The following NKIRAS1 variants were observed in gnomAD, a reference collection of about 807,000 sequenced individuals.
The protein encoded by NKIRAS1 is NFKB inhibitor interacting Ras like 1, also known as NF-kappa-B inhibitor-interacting Ras-like protein 1.
Under a neutral mutation model 19.8 loss-of-function variants are expected in NKIRAS1, and 16 were observed. That is an observed-to-expected ratio of 0.81 (90% CI 0.55 to 1.23). The LOEUF (loss-of-function observed/expected upper bound fraction) is 1.23. NKIRAS1 is among the 50% of genes most tolerant of loss of function. The pLI is 0.00. For missense variants in NKIRAS1, 184 were observed against 220.0 expected, an observed-to-expected ratio of 0.84 and a Z score of 1.04; for synonymous variants, 88 against 79.0, an observed-to-expected ratio of 1.11 and a Z score of -0.61.
intron 1 of NKIRAS1, among the ~76,000 whole-genome samples, chr3:23,943,207 GA>G (rs931920859): frequency 1.3e-5 from 2 of 152,194 alleles, no homozygotes; most frequent in African/African-American, 2.4e-5. Context: ...AGTAACCACT[GA>G]TCTTTCTACT....
In NKIRAS1 at chr3:23,900,849, G is replaced by T; in HGVS notation, c.295C>A (p.Leu99Ile). Residue 99 changes from leucine to isoleucine, a missense_variant, in exon 4 of 5, where the codon CTT becomes ATT. Coordinates refer to ENST00000425478, the MANE Select transcript of NKIRAS1 (RefSeq NM_020345.4). The stretch of plus-strand genomic sequence containing the variant: ...AACTTATCGATTTCTTTCTTCAGAA[G>T]CTCCACTCTTTGAAAGGATTCAAGG... ...NNLESFQRVELLKKEIDKFKD... is the reference protein window; with the variant it reads ...NNLESFQRVEILKKEIDKFKD... The T allele has an allele frequency of 2.5e-6, 4 of 1,613,744 alleles. No individual in the cohort carries two copies. The highest frequency in any genetic ancestry group is 3.4e-6 in the Non-Finnish European group (4 of 1,179,734).
chr3:23,896,594 T>C (rs192054952), intron 4 of NKIRAS1, among the ~76,000 whole-genome samples: 5 of 150,824 alleles, frequency 3.3e-5, no homozygotes, highest in African/African-American at 9.8e-5. Context: ...GCGTGGGCAA[T>C]AGCAAGACTC....
chr3:23,935,916 C>A (rs1480962626), intron 1 of NKIRAS1, among the ~76,000 whole-genome samples: 1 of 151,768 alleles, frequency 6.6e-6, no homozygotes, highest in East Asian at 1.9e-4. Flanking sequence ...CTCGTCTCTA[C>A]AAATAATTTT....
At chr3:23,930,353 G>A (rs571251990) in intron 1 of NKIRAS1, among the ~76,000 whole-genome samples, 10 of 152,080 alleles carry the variant, frequency 6.6e-5, no homozygotes, top group African/African-American at 1.2e-4. Context: ...CCTGCAATTC[G>A]TTCTCCCAAA....
At chr3:23,901,099 G>T in intron 3 of NKIRAS1, 50 bp from the exon 4 acceptor site, 1 of 1,587,592 alleles carries the variant, frequency 6.3e-7, no homozygotes, top group Non-Finnish European at 8.6e-7. Context: ...AGTGTCAACT[G>T]CTCCGTATTT....
chr3:23,944,226 A>C (rs1343751049), intron 1 of NKIRAS1, among the ~76,000 whole-genome samples: 1 of 152,238 alleles, frequency 6.6e-6, no homozygotes, highest in Non-Finnish European at 1.5e-5. Context: ...ATTTACCAAA[A>C]CAGTAAATAT....
chr3:23,893,197 TTCAA>T lies in NKIRAS1; in HGVS notation c.473_476del (p.Ile158AsnfsTer6). 1 of 1,614,002 alleles carries T rather than the reference TTCAA, an allele frequency of 6.2e-7. No homozygotes were observed. The highest frequency in any genetic ancestry group is 1.6e-4 in the Middle Eastern group (1 of 6,062). On this transcript the variant is annotated frameshift_variant, in exon 5 of 5. Transcript: ENST00000425478. LOFTEE classifies it high-confidence loss of function. Reference sequence around the variant, plus strand: ...GTTTACTGGCTAATAAAGTGAATGGTTCAATCAGAGTTTTCCGATCTGTAACAGT... The same window carrying T: ...GTTTACTGGCTAATAAAGTGAATGGTTCAGAGTTTTCCGATCTGTAACAGT...
At chr3:23,912,936 G>A (rs1435898665) in intron 1 of NKIRAS1, among the ~76,000 whole-genome samples, 1 of 150,574 alleles carries the variant, frequency 6.6e-6, no homozygotes, top group Non-Finnish European at 1.5e-5. Flanking sequence ...GGCTAACATG[G>A]TGAAACCGTC....
chr3:23,919,297 A>G (rs1575121314), upstream of NKIRAS1: 2 of 1,607,494 alleles, frequency 1.2e-6, no homozygotes, highest in Non-Finnish European at 8.5e-7. Flanking sequence ...TCATTGATCC[A>G]TTCCATAAAG....
At chr3:23,932,500 C>T (rs1334736289) in intron 1 of NKIRAS1, among the ~76,000 whole-genome samples, 1 of 151,922 alleles carries the variant, frequency 6.6e-6, no homozygotes, top group African/African-American at 2.4e-5. Context: ...ACCAGCCTGA[C>T]CAACATGGAG....
At chr3:23,904,558 C>T (rs1011303392) in intron 3 of NKIRAS1, among the ~76,000 whole-genome samples, 1 of 152,174 alleles carries the variant, frequency 6.6e-6, no homozygotes, top group Non-Finnish European at 1.5e-5. Context: ...TTATAGGCCA[C>T]AGTGCTTAAT....
intron 4 of NKIRAS1, among the ~76,000 whole-genome samples, chr3:23,893,651 A>T (rs1459354479): frequency 6.6e-6 from 1 of 151,948 alleles, no homozygotes; most frequent in African/African-American, 2.4e-5. Context: ...TACTGAAAAT[A>T]AAAAAATTAG....
chr3:23,938,929 T>C (rs1705444210), intron 1 of NKIRAS1, among the ~76,000 whole-genome samples: 1 of 152,178 alleles, frequency 6.6e-6, no homozygotes, highest in South Asian at 2.1e-4. Flanking sequence ...GCCCTGTGAC[T>C]ACCTAAAGAG....
intron 1 of NKIRAS1, among the ~76,000 whole-genome samples, chr3:23,941,307 A>G (rs1358546264): frequency 6.6e-6 from 1 of 152,138 alleles, no homozygotes; most frequent in Non-Finnish European, 1.5e-5. Context: ...AGTTTGGGAT[A>G]AGAGGACTCT....
chr3:23,912,198 C>G (rs1366537243), intron 1 of NKIRAS1, among the ~76,000 whole-genome samples: 1 of 152,124 alleles, frequency 6.6e-6, no homozygotes, highest in Non-Finnish European at 1.5e-5. Context: ...CGAATGGGAT[C>G]TAATTAAACT....
In NKIRAS1 at chr3:23,941,220, C is replaced by G. The variant is rs1575136499; in HGVS notation, c.-140+5103G>C. Among the ~76,000 whole-genome samples the G allele has an allele frequency of 2.6e-5, 4 of 152,268 alleles. 1 individual carries two copies. The South Asian group carries it at 8.3e-4, about 32-fold the overall frequency. On this transcript the variant is annotated intron_variant, in intron 1 of 4. Transcript: ENST00000421515. The stretch of plus-strand genomic sequence containing the variant: ...TGGCCTTATCTTTAATAGACTTCAC[C>G]TTTCTCTTTTTTTCCTAATGCCCCT...
chr3:23,912,672 C>T (rs921198739), intron 1 of NKIRAS1, among the ~76,000 whole-genome samples: 1 of 152,034 alleles, frequency 6.6e-6, no homozygotes, highest in Admixed American at 6.6e-5. Flanking sequence ...ACCATTTGAC[C>T]CAGTAATCCC....
In NKIRAS1 at chr3:23,901,179, C is replaced by CTT. The variant is rs369838815; in HGVS notation, c.95-132_95-131dup. On this transcript the variant is annotated intron_variant, in intron 3 of 4. Coordinates refer to ENST00000425478, the MANE Select transcript of NKIRAS1 (RefSeq NM_020345.4). Reference sequence around the variant, plus strand: ...ATATAATAATCACATTTCTATTTTACTTTTTTTTTTTTTTTTTGAAACAGG... The same window carrying CTT: ...ATATAATAATCACATTTCTATTTTACTTTTTTTTTTTTTTTTTTTGAAACAGG... 3,028 of 724,732 alleles carry CTT rather than the reference C, an allele frequency of 4.2e-3. 3 individuals carry two copies. The highest frequency in any genetic ancestry group is 5.8e-3 in the African/African-American group (305 of 52,438). 44.9% of individuals were successfully genotyped at this position (724,732 alleles called of 1,614,324 possible).
upstream of NKIRAS1, chr3:23,918,834 G>A: frequency 1.9e-6 from 1 of 533,518 alleles, no homozygotes. Flanking sequence ...AATGTGGCCT[G>A]CACAGCCTAA....
Sources: gnomAD v4.1 joint callset for allele counts (sites outside exome capture counted in the v4.1 genomes callset) on GRCh38, gnomAD v4.1.1 for gene constraint, MANE v1.5 for transcripts, NCBI Gene and HGNC (gene_info 2026-07-23, HGNC 2026-07-21) for gene names.